The following GOLGA3 variants were observed in gnomAD, a reference collection of about 807,000 sequenced individuals.
GOLGA3 encodes the protein golgin A3, also known as golgin subfamily A member 3.
In GOLGA3, 75 loss-of-function variants were observed where a neutral mutation model predicts 169.4. That is an observed-to-expected ratio of 0.44 (90% CI 0.37 to 0.54). The LOEUF (loss-of-function observed/expected upper bound fraction) is 0.54, where lower values mean the gene tolerates loss of function less well. Among genes scored for constraint, GOLGA3 ranks in the 20% least tolerant of loss-of-function variants. GOLGA3 has a pLI of 0.00. For missense variants in GOLGA3, 1,899 were observed against 1,930.0 expected, an observed-to-expected ratio of 0.98 and a Z score of 0.30; for synonymous variants, 824 against 822.4, an observed-to-expected ratio of 1.00 and a Z score of -0.03.
At position 132,786,200 on chromosome 12, in the gene GOLGA3, A is replaced by C. The variant is rs573050683; in HGVS notation, c.3123+139T>G. ...CTGTGGGTTCCTGGTAACCTGGAAG[A>C]TGAGCGGGAGTTTAGAGAGTTGCCA... On this transcript the variant is annotated intron_variant, in intron 15 of 23. Transcript: ENST00000450791. The C allele has an allele frequency of 1.6e-5, 10 of 610,454 alleles. No individual in the cohort carries two copies. In the East Asian group the frequency reaches 2.9e-4, roughly 18 times the overall value. The allele number at this position is 610,454 out of a possible 1,614,324, so 37.8% of individuals were successfully genotyped here.
chr12:132,801,586 G>A (rs1007404638), intron 8 of GOLGA3, among the ~76,000 whole-genome samples, 181 bp downstream of exon 8: 3 of 152,190 alleles, frequency 2.0e-5, no homozygotes, highest in Admixed American at 2.0e-4. Flanking sequence ...GTTGGGGGGG[G>A]GCCCACGGGA....
At chr12:132,783,881 G>A (rs1052889408) in intron 16 of GOLGA3, 2 of 1,424,890 alleles carry the variant, frequency 1.4e-6, no homozygotes, top group Non-Finnish European at 1.8e-6. Flanking sequence ...GGCGAAGTTG[G>A]GTTTCTTATT....
Position 132,804,555 on chromosome 12 carries a change from T to G in GOLGA3, c.1597+161A>C, listed in dbSNP as rs1352193393. Among the ~76,000 whole-genome samples, 1 of 144,948 alleles carries G rather than the reference T, an allele frequency of 6.9e-6. No homozygotes were observed. The highest frequency in any genetic ancestry group is 2.6e-5 in the African/African-American group (1 of 38,576). ...GGAAGGAGGGCGTGGCGGGGACCAG[T>G]CGAGGAAGGAGGGAGCAGCGGGGAC... is the stretch of plus-strand genomic sequence containing the variant. On this transcript the variant is annotated intron_variant, in intron 7 of 23. Coordinates refer to ENST00000450791, the MANE Select transcript of GOLGA3 (RefSeq NM_001389683.1). The surrounding 1 kb of genome is among the most constrained non-coding windows in gnomAD (Gnocchi z 4.1).
intron 2 of GOLGA3, among the ~76,000 whole-genome samples, chr12:132,817,148 CG>C: frequency 6.8e-6 from 1 of 147,996 alleles, no homozygotes; most frequent in Non-Finnish European, 1.5e-5. Context: ...AATGTGAACC[CG>C]CCCTCCACTC....
chr12:132,788,320 G>A (rs1311093945), intron 13 of GOLGA3, among the ~76,000 whole-genome samples: 4 of 152,250 alleles, frequency 2.6e-5, no homozygotes, highest in Non-Finnish European at 5.9e-5. Flanking sequence ...TAAGCAAAAC[G>A]TAGCACTTGG....
At chr12:132,790,147 C>T (rs570309443) in intron 12 of GOLGA3, among the ~76,000 whole-genome samples, 59 of 151,866 alleles carry the variant, frequency 3.9e-4, no homozygotes, top group Non-Finnish European at 6.0e-4. Flanking sequence ...CTGGCTAACA[C>T]GGTGAAACCC....
chr12:132,815,111 T>C (rs1566137111), intron 3 of GOLGA3, among the ~76,000 whole-genome samples: 1 of 152,374 alleles, frequency 6.6e-6, no homozygotes. Flanking sequence ...AGAATTTCAC[T>C]GTAAATGTAC....
At position 132,816,808 on chromosome 12, in the gene GOLGA3, G is replaced by A. The variant is rs762108736; in HGVS notation, c.138C>T (p.Ala46=). 26 of 1,591,790 alleles carry A rather than the reference G, an allele frequency of 1.6e-5. No individual in the cohort carries two copies. Among genetic ancestry groups the A allele is most frequent in the African/African-American group, 2.7e-5 (2 of 74,210 alleles). ...CTTCCGTGGATGCTCTGTTTACCTC[G>A]GCACCTGGAAAGACAGAGCACGCTG... is the stretch of plus-strand genomic sequence containing the variant. ...PPDQQDKVQC[A]EVNRASTEGE... Residue 46 remains alanine (A), a synonymous_variant, in exon 3 of 24, where the codon GCC becomes GCT. Coordinates refer to ENST00000450791, the MANE Select transcript of GOLGA3 (RefSeq NM_001389683.1).
chr12:132,815,567 TTTG>T (rs956399223), intron 3 of GOLGA3, among the ~76,000 whole-genome samples: 17 of 152,250 alleles, frequency 1.1e-4, no homozygotes, highest in African/African-American at 2.9e-4. Flanking sequence ...TTTAGGGTTT[TTTG>T]TTGTTGTTAT....
Position 132,769,090 on chromosome 12 carries a change from G to A in GOLGA3, c.*4015C>T, listed in dbSNP as rs1473024681. 6.6e-6 allele frequency: 1 copy of A among 152,522 alleles called. No homozygotes were observed. The highest frequency in any genetic ancestry group is 1.9e-4 in the East Asian group (1 of 5,192). 9.4% of individuals were successfully genotyped at this position (152,522 alleles called of 1,614,324 possible). A position where few individuals can be genotyped will look rare whatever the true frequency, so the allele number is the denominator to read the frequency against. On this transcript the variant is annotated 3_prime_UTR_variant, in exon 24 of 24. Coordinates refer to ENST00000450791, the MANE Select transcript of GOLGA3 (RefSeq NM_001389683.1). The stretch of plus-strand genomic sequence containing the variant: ...GTGAGGAAATTTTTAATAAAAACAA[G>A]TAACTCAAAAGCACTGAATTTTCCA...
rs1391149141 is a variant in GOLGA3, at chr12:132,772,017, G to A, written c.*1088C>T. 1 of 152,282 alleles carries A rather than the reference G, an allele frequency of 6.6e-6. No homozygotes were observed. The highest frequency in any genetic ancestry group is 2.4e-5 in the African/African-American group (1 of 41,464). 9.4% of individuals were successfully genotyped at this position (152,282 alleles called of 1,614,324 possible). On this transcript the variant is annotated 3_prime_UTR_variant, in exon 24 of 24. Coordinates refer to ENST00000450791, the MANE Select transcript of GOLGA3 (RefSeq NM_001389683.1). ...GAATCACACAGGGCCAGTGGCCTGA[G>A]AGGAAGAGACCAGCAGGAAGGAAAG... is the stretch of plus-strand genomic sequence containing the variant.
In GOLGA3 at chr12:132,773,006, A is replaced by T; in HGVS notation, c.*99T>A. 2 of 924,208 alleles carry T rather than the reference A, an allele frequency of 2.2e-6. No individual in the cohort carries two copies. The highest frequency in any genetic ancestry group is 3.2e-6 in the Non-Finnish European group (2 of 634,498). 57.3% of individuals were successfully genotyped at this position (924,208 alleles called of 1,614,324 possible). ...TCTTGTTAAAGGCAAAACAAAACTT[A>T]AATTTCATGTCTTAGAAAAACATCG... On this transcript the variant is annotated 3_prime_UTR_variant, in exon 24 of 24. Transcript: ENST00000450791.
Position 132,776,752 on chromosome 12 carries a change from T to A in GOLGA3, c.3860A>T (p.Glu1287Val). 1 of 1,613,944 alleles carries A rather than the reference T, an allele frequency of 6.2e-7. No homozygotes were observed. The highest frequency in any genetic ancestry group is 8.5e-7 in the Non-Finnish European group (1 of 1,179,958). Residue 1287 changes from glutamate (E) to valine (V), a missense_variant, in exon 21 of 24, where the codon GAA becomes GTA. By Grantham distance (121) the Glu-to-Val change is moderately radical (BLOSUM62 -2). Coordinates refer to ENST00000450791, the MANE Select transcript of GOLGA3 (RefSeq NM_001389683.1). ...SKQPVGNQEM[E>V]NLKWEVDQKE... ...CTGATCCACCTCCCATTTGAGATTTTCCATCTAAAGAGGGGAAAGTCACAT... is the reference window on the plus strand; with the variant it reads ...CTGATCCACCTCCCATTTGAGATTTACCATCTAAAGAGGGGAAAGTCACAT...
chr12:132,790,703 C>T (rs1195609602), intron 12 of GOLGA3, among the ~76,000 whole-genome samples: 1 of 151,996 alleles, frequency 6.6e-6, no homozygotes, highest in African/African-American at 2.4e-5. Context: ...CCAAGACCCC[C>T]ACCCCACTGT....
At chr12:132,798,278 C>T (rs141963739) in intron 9 of GOLGA3, 62 bp downstream of exon 9, 4 of 1,462,204 alleles carry the variant, frequency 2.7e-6, no homozygotes, top group Non-Finnish European at 3.7e-6. Flanking sequence ...TAAGAAAACA[C>T]ACATGGTATC....
At chr12:132,811,338 A>G (rs1281730667) in intron 4 of GOLGA3, among the ~76,000 whole-genome samples, 1 of 152,046 alleles carries the variant, frequency 6.6e-6, no homozygotes, top group Admixed American at 6.6e-5. Flanking sequence ...CAGAGCAGCT[A>G]CCCCACCCCC....
chr12:132,777,544 T>A lies in GOLGA3; in HGVS notation c.3722+122A>T, dbSNP rs1441529900. 4 of 1,059,800 alleles carry A rather than the reference T, an allele frequency of 3.8e-6. No homozygotes were observed. The East Asian group carries it at 9.6e-5, about 26-fold the overall frequency. 65.6% of individuals were successfully genotyped at this position (1,059,800 alleles called of 1,614,324 possible). A position where few individuals can be genotyped will look rare whatever the true frequency, so the allele number is the denominator to read the frequency against. On this transcript the variant is annotated intron_variant, in intron 19 of 23. Transcript: ENST00000450791. This position sits in a 1 kb window ranked among gnomAD's most constrained non-coding sequence, Gnocchi z 4.7. ...GCTGGGTGCCTTCTACTCCTATGATTCACTCAAGTACTCGGCAATTTGCAA... is the reference window on the plus strand; with the variant it reads ...GCTGGGTGCCTTCTACTCCTATGATACACTCAAGTACTCGGCAATTTGCAA...
chr12:132,796,823 T>G, intron 9 of GOLGA3, 123 bp from the exon 10 acceptor site: 1 of 984,632 alleles, frequency 1.0e-6, no homozygotes, highest in Non-Finnish European at 1.5e-6. Context: ...CTCCTCATCC[T>G]GTCTACCGAC....
At chr12:132,800,351 G>C (rs765389936) in intron 8 of GOLGA3, among the ~76,000 whole-genome samples, 2 of 152,022 alleles carry the variant, frequency 1.3e-5, no homozygotes, top group African/African-American at 4.8e-5. Context: ...AAAATTAGCC[G>C]GGCATGGTGG....
Sources: gnomAD v4.1 joint callset for allele counts (sites outside exome capture counted in the v4.1 genomes callset) on GRCh38, gnomAD v4.1.1 for gene constraint, Gnocchi (gnomAD v3.1) non-coding constraint, MANE v1.5 for transcripts, NCBI Gene and HGNC (gene_info 2026-07-23, HGNC 2026-07-21) for gene names.